Variants in MORC2 observed in about 807,000 individuals in gnomAD.
The protein encoded by MORC2 is MORC family CW-type zinc finger 2, also known as ATPase MORC2.
A neutral mutation model predicts 136.0 loss-of-function variants in MORC2; 30 were observed. That is an observed-to-expected ratio of 0.22 (90% CI 0.17 to 0.30). MORC2 has a LOEUF of 0.30. Among genes scored for constraint, MORC2 ranks in the 10% least tolerant of loss-of-function variants. The probability of loss-of-function intolerance (pLI) is 1.00; values close to 1 mark genes in which losing one functional copy is unlikely to be tolerated. For synonymous variants in MORC2, 439 were observed against 487.0 expected (o/e 0.90, Z 1.30); for missense variants, 922 against 1,333.1 (o/e 0.69, Z 4.80).
intron 4 of MORC2, 39 bp downstream of exon 4, chr22:30,950,338 C>CGGGGGGGGGGGGGGGGGGG: frequency 1.4e-6 from 1 of 695,194 alleles, no homozygotes; most frequent in Non-Finnish European, 2.6e-6. Flanking sequence ...GGTTACATCG[C>CGGGGGGGGGGGGGGGGGGG]ACCCCCCCAC....
Position 30,934,206 on chromosome 22 carries a change from G to A in MORC2, c.2194-15C>T. ...CTAGGGGTAGCCTAGAGCAAGAGGA[G>A]CGTGAGGATGTGAGGGGCCCTGTTC... is the stretch of plus-strand genomic sequence containing the variant. On this transcript the variant is annotated splice_polypyrimidine_tract_variant and intron_variant, in intron 19 of 25. Transcript: ENST00000397641. The surrounding 1 kb of genome is among the most constrained non-coding windows in gnomAD (Gnocchi z 4.4). 1 of 1,614,102 alleles carries A rather than the reference G, an allele frequency of 6.2e-7. No homozygotes were observed. Among genetic ancestry groups the A allele is most frequent in the East Asian group, 2.2e-5 (1 of 44,884 alleles).
At chr22:30,958,604 A>G (rs978572353) in intron 2 of MORC2, 37 bp downstream of exon 2, 5 of 1,511,408 alleles carry the variant, frequency 3.3e-6, no homozygotes, top group Non-Finnish European at 4.5e-6. Context: ...AAGTGTTTCC[A>G]CTTCAAGCAC....
intron 24 of MORC2, chr22:30,930,032 G>A (rs1406462678): frequency 3.9e-5 from 6 of 152,004 alleles, no homozygotes; most frequent in East Asian, 1.9e-4. Flanking sequence ...TTTTTTGTAC[G>A]TTGTAGTAGA....
intron 21 of MORC2, 99 bp from the exon 22 acceptor site, chr22:30,933,129 C>T: frequency 1.3e-6 from 2 of 1,527,896 alleles, no homozygotes; most frequent in Non-Finnish European, 1.8e-6. Flanking sequence ...GTTTGGAGGA[C>T]AGGAACACTT....
At chr22:30,940,902 C>G in intron 9 of MORC2, 65 bp from the exon 10 acceptor site, 2 of 1,343,760 alleles carry the variant, frequency 1.5e-6, no homozygotes, top group East Asian at 4.6e-5. Context: ...CACCCAAGCA[C>G]AGGAAGCACC....
chr22:30,950,337 G>GCGGGGGGGGGGGGCCCCC, intron 4 of MORC2, 40 bp downstream of exon 4: 1 of 761,764 alleles, frequency 1.3e-6, no homozygotes, highest in Non-Finnish European at 2.3e-6. Flanking sequence ...TGGTTACATC[G>GCGGGGGGGGGGGGCCCCC]CACCCCCCCA....
chr22:30,965,842 A>C (rs2041120029), intron 1 of MORC2, among the ~76,000 whole-genome samples: 1 of 152,232 alleles, frequency 6.6e-6, no homozygotes, highest in Non-Finnish European at 1.5e-5. Context: ...TGTGAAGTAT[A>C]CCCTTTGCTT....
chr22:30,936,055 C>G (rs2040646800), intron 17 of MORC2, among the ~76,000 whole-genome samples: 1 of 152,130 alleles, frequency 6.6e-6, no homozygotes, highest in Admixed American at 6.5e-5. Context: ...TTTAATTTCA[C>G]TTCTAGAAAG....
chr22:30,931,103 C>T (rs986625969), intron 24 of MORC2, among the ~76,000 whole-genome samples: 1 of 152,178 alleles, frequency 6.6e-6, no homozygotes, highest in African/African-American at 2.4e-5. Flanking sequence ...TGTTCCCATT[C>T]CCTCACCTCT....
chr22:30,948,812 G>C (rs893194388), intron 5 of MORC2, among the ~76,000 whole-genome samples: 2 of 152,174 alleles, frequency 1.3e-5, no homozygotes, highest in Admixed American at 1.3e-4. Context: ...GATTAAATGA[G>C]ATTATTCGTG....
intron 5 of MORC2, among the ~76,000 whole-genome samples, chr22:30,946,849 G>C (rs2040824026): frequency 6.6e-6 from 1 of 152,106 alleles, no homozygotes; most frequent in Admixed American, 6.5e-5. Context: ...TGTGCCCTCT[G>C]ACTGTACCAC....
At chr22:30,958,935 C>A in intron 1 of MORC2, 1 of 423,458 alleles carries the variant, frequency 2.4e-6, no homozygotes, top group Admixed American at 3.8e-5. Flanking sequence ...GGGAAACCCA[C>A]CCTGAAGCAT....
At chr22:30,955,159 T>C (rs1185471512) in intron 3 of MORC2, among the ~76,000 whole-genome samples, 2 of 152,016 alleles carry the variant, frequency 1.3e-5, no homozygotes, top group Admixed American at 6.6e-5. Context: ...GGTTTCTCCA[T>C]GTTGGTCAGG....
At chr22:30,950,029 C>T (rs1003528463) in intron 4 of MORC2, among the ~76,000 whole-genome samples, 187 bp from the exon 5 acceptor site, 4 of 152,212 alleles carry the variant, frequency 2.6e-5, no homozygotes, top group African/African-American at 7.2e-5. Flanking sequence ...GTACCTCTAT[C>T]ACTGTGACCT....
intron 17 of MORC2, 49 bp downstream of exon 17, chr22:30,936,462 C>T: frequency 6.2e-7 from 1 of 1,607,084 alleles, no homozygotes; most frequent in Non-Finnish European, 8.5e-7. Context: ...CTGTCACAGG[C>T]AGAGCCCTGA....
chr22:30,956,422 T>G (rs2040969113), intron 3 of MORC2, among the ~76,000 whole-genome samples: 1 of 152,238 alleles, frequency 6.6e-6, no homozygotes. Flanking sequence ...TGGCTGCAGG[T>G]ACCACAAACC....
intron 6 of MORC2, 84 bp downstream of exon 6, chr22:30,946,256 TA>T (rs2040813626): frequency 2.0e-6 from 2 of 1,008,630 alleles, no homozygotes; most frequent in Non-Finnish European, 3.0e-6. Context: ...CCAAAGAGTC[TA>T]GCATTGCAAA....
intron 1 of MORC2, 79 bp downstream of exon 1, chr22:30,967,743 A>T (rs1001040346): frequency 3.2e-6 from 5 of 1,541,416 alleles, no homozygotes; most frequent in Non-Finnish European, 3.5e-6. Context: ...AAAAAGCAAA[A>T]TTTTCTGGGG....
rs527874902 is a variant in MORC2 at position 30,933,156 on chromosome 22, T to C, written c.2381-126A>G. 3.7e-6 allele frequency: 5 copies of C among 1,349,442 alleles called. No individual in the cohort carries two copies. The Admixed American group carries it at 9.6e-5, about 26-fold the overall frequency. 83.6% of individuals were successfully genotyped at this position (1,349,442 alleles called of 1,614,324 possible). A position where few individuals can be genotyped will look rare whatever the true frequency, so the allele number is the denominator to read the frequency against. ...GGAACACTTAGGTGCTTGCCCCCAC[T>C]ACACCAGGGACACAGAGACCAGGGA... On this transcript the variant is annotated intron_variant, in intron 21 of 25. Transcript: ENST00000397641.
Sources: gnomAD v4.1 joint callset for allele counts (sites outside exome capture counted in the v4.1 genomes callset) on GRCh38, gnomAD v4.1.1 for gene constraint, Gnocchi (gnomAD v3.1) non-coding constraint, MANE v1.5 for transcripts, NCBI Gene and HGNC (gene_info 2026-07-23, HGNC 2026-07-21) for gene names.